OSBPL9: variants seen among roughly 807,000 people sequenced by gnomAD.
OSBPL9 encodes oxysterol-binding protein-related protein 9.
OSBPL9 carries 40 observed loss-of-function variants against 106.6 expected under a neutral mutation model. That is an observed-to-expected ratio of 0.38 (90% CI 0.29 to 0.49). The LOEUF (loss-of-function observed/expected upper bound fraction) is 0.49, where lower values mean the gene tolerates loss of function less well. OSBPL9 is among the 20% of genes least tolerant of loss of function. The pLI is 0.97. For missense variants in OSBPL9, 609 were observed against 887.2 expected (o/e 0.69, Z 3.98); for synonymous variants, 269 against 295.4 (o/e 0.91, Z 0.92).
intron 1 of OSBPL9, chr1:51,598,062 T>G (rs1034458475): frequency 3.3e-5 from 5 of 152,282 alleles, no homozygotes; most frequent in African/African-American, 7.2e-5. Flanking sequence ...GAAATGACTT[T>G]ACTTGTATCA....
intron 1 of OSBPL9, among the ~76,000 whole-genome samples, chr1:51,636,152 GTTTTTTTTTTTTT>G (rs35303378): frequency 0.023 from 1,474 of 64,128 alleles, 37 homozygotes; most frequent in African/African-American, 0.084. Context: ...TCTCTCTCTT[GTTTTTTTTTTTTT>G]TTTTTTTTTT....
At chr1:51,674,715 A>G (rs1051639335) in intron 3 of OSBPL9, among the ~76,000 whole-genome samples, 5 of 152,190 alleles carry the variant, frequency 3.3e-5, no homozygotes, top group African/African-American at 7.2e-5. Context: ...TTATAATACC[A>G]TATTTTTACT....
At chr1:51,602,214 G>T (rs1645328028) in intron 2 of OSBPL9, among the ~76,000 whole-genome samples, 1 of 150,986 alleles carries the variant, frequency 6.6e-6, no homozygotes, top group Non-Finnish European at 1.5e-5. Flanking sequence ...TAGAGACGGG[G>T]TTTCACCGTG....
the OSBPL9 span, among the ~76,000 whole-genome samples, chr1:51,572,005 A>G: frequency 1.3e-5 from 2 of 152,174 alleles, no homozygotes; most frequent in Non-Finnish European, 2.9e-5. Flanking sequence ...CCTCACTGGC[A>G]TCACCAAGGC....
chr1:51,672,459 A>G (rs902959461), intron 3 of OSBPL9, among the ~76,000 whole-genome samples: 1 of 152,160 alleles, frequency 6.6e-6, no homozygotes, highest in Admixed American at 6.5e-5. Context: ...CATCACTCCA[A>G]AAGATTCCTT....
chr1:51,530,189 AAAAC>A, the OSBPL9 span, among the ~76,000 whole-genome samples: 876 of 94,064 alleles, frequency 9.3e-3, 183 homozygotes, highest in Non-Finnish European at 0.013. Flanking sequence ...AAAAAAAAAA[AAAAC>A]AAAAAAAAAA....
At chr1:51,613,989 C>T (rs1570544550), upstream of OSBPL9, among the ~76,000 whole-genome samples, 1 of 152,200 alleles carries the variant, frequency 6.6e-6, no homozygotes, top group East Asian at 1.9e-4. Context: ...CACTTTGTTG[C>T]CCAGGCTGGT....
In OSBPL9 at chr1:51,592,395, G is replaced by A. The variant is rs771523933; in HGVS notation, c.-422-5729G>A. ...CTCCCAAAGTGCTGGGATTACAGGC[G>A]TGAGCCACTGTGCCCGGCCGTTGCT... On this transcript the variant is annotated intron_variant, in intron 1 of 25. Coordinates refer to the OSBPL9 transcript ENST00000371714. 3.8e-4 allele frequency among the ~76,000 whole-genome samples: 58 copies of A among 152,098 alleles called. 1 individual carries two copies. Among genetic ancestry groups the A allele is most frequent in the African/African-American group, 1.3e-3 (55 of 41,422 alleles).
intron 3 of OSBPL9, chr1:51,707,523 G>T: frequency 5.5e-6 from 1 of 182,310 alleles, no homozygotes. Context: ...ATGCAGGGAT[G>T]ATGTTCTTGA....
chr1:51,706,734 C>T (rs1225252130), intron 3 of OSBPL9, among the ~76,000 whole-genome samples: 1 of 150,816 alleles, frequency 6.6e-6, no homozygotes, highest in Non-Finnish European at 1.5e-5. Flanking sequence ...TCCCTTTATG[C>T]ACTACTTTAA....
In OSBPL9 at chr1:51,645,588, C is replaced by T. The variant is rs75491348; in HGVS notation, c.112-6403C>T. 2.3e-3 allele frequency among the ~76,000 whole-genome samples: 348 copies of T among 152,042 alleles called. 4 individuals carry two copies. Among genetic ancestry groups the T allele is most frequent in the African/African-American group, 8.2e-3 (340 of 41,466 alleles). On this transcript the variant is annotated intron_variant, in intron 1 of 23. Transcript: ENST00000428468. ...CAAACTCCTGGGCTCAAGGGATCCTCCTGCCTTAGTGTGATAGTGTTCTTT... is the reference window on the plus strand; with the variant it reads ...CAAACTCCTGGGCTCAAGGGATCCTTCTGCCTTAGTGTGATAGTGTTCTTT...
At chr1:51,538,243 G>C in the OSBPL9 span, among the ~76,000 whole-genome samples, 3 of 152,102 alleles carry the variant, frequency 2.0e-5, no homozygotes, top group African/African-American at 7.2e-5. Context: ...AGTGAGCCAA[G>C]ATCACGCCAC....
chr1:51,663,964 A>G (rs937327595), intron 2 of OSBPL9, among the ~76,000 whole-genome samples: 6 of 152,222 alleles, frequency 3.9e-5, no homozygotes, highest in Non-Finnish European at 7.3e-5. Context: ...GCCAAGAATA[A>G]CTAAGGTGAA....
At chr1:51,660,339 A>G (rs2148728896) in intron 2 of OSBPL9, among the ~76,000 whole-genome samples, 1 of 152,330 alleles carries the variant, frequency 6.6e-6, no homozygotes, top group East Asian at 1.9e-4. Flanking sequence ...ACAAAAAAAG[A>G]TACCACAGTC....
At chr1:51,550,934 T>C in the OSBPL9 span, among the ~76,000 whole-genome samples, 1 of 152,236 alleles carries the variant, frequency 6.6e-6, no homozygotes, top group Non-Finnish European at 1.5e-5. Flanking sequence ...ATAATGATAG[T>C]AGTGATAGCA....
In OSBPL9 at chr1:51,760,682, T is replaced by C. The variant is rs757808395; in HGVS notation, c.583-8T>C. The C allele has an allele frequency of 3.1e-6, 5 of 1,613,662 alleles. No homozygotes were observed. Among genetic ancestry groups the C allele is most frequent in the South Asian group, 2.2e-5 (2 of 91,054 alleles). ...TAAAAATAGCTATATTGTGTTTCTT[T>C]ATTTTAGAGTACTATTAATCCCGTA... On this transcript the variant is annotated splice_region_variant and splice_polypyrimidine_tract_variant and intron_variant, in intron 9 of 23. Transcript: ENST00000428468.
chr1:51,688,595 C>A (rs1432286645), intron 3 of OSBPL9, among the ~76,000 whole-genome samples: 1 of 151,802 alleles, frequency 6.6e-6, no homozygotes, highest in Non-Finnish European at 1.5e-5. Context: ...CCAGCCTGGG[C>A]AACAGAGCAA....
intron 3 of OSBPL9, among the ~76,000 whole-genome samples, chr1:51,677,421 G>A (rs1405999928): frequency 2.0e-5 from 3 of 152,136 alleles, no homozygotes; most frequent in Non-Finnish European, 4.4e-5. Context: ...TATATATTAG[G>A]CATGTCTTGC....
At chr1:51,776,743 G>A (rs1189867562) in intron 14 of OSBPL9, 90 bp from the exon 15 acceptor site, 4 of 818,564 alleles carry the variant, frequency 4.9e-6, no homozygotes, top group East Asian at 2.5e-5. Flanking sequence ...GAATGAGGTG[G>A]TGTTTTGTTT....
Sources: gnomAD v4.1 joint callset for allele counts (sites outside exome capture counted in the v4.1 genomes callset) on GRCh38, gnomAD v4.1.1 for gene constraint, MANE v1.5 for transcripts, NCBI Gene and HGNC (gene_info 2026-07-23, HGNC 2026-07-21) for gene names.